Variants in GPATCH2 observed in about 807,000 individuals in gnomAD.
GPATCH2 encodes the protein G-patch domain containing 2.
In GPATCH2, 51 loss-of-function variants were observed where a neutral mutation model predicts 58.0. That is an observed-to-expected ratio of 0.88 (90% CI 0.70 to 1.11). The LOEUF is 1.11. Among genes scored for constraint, GPATCH2 ranks in the 50% most tolerant of loss-of-function variants. GPATCH2 has a pLI of 0.00. For synonymous variants in GPATCH2, 222 were observed against 218.5 expected (o/e 1.02, Z -0.14); for missense variants, 625 against 652.2 (o/e 0.96, Z 0.45).
At chr1:217,614,052 AG>A in intron 3 of GPATCH2, 88 bp downstream of exon 3, 1 of 779,798 alleles carries the variant, frequency 1.3e-6, no homozygotes, top group African/African-American at 1.7e-5. Flanking sequence ...AATGGATTGC[AG>A]TCATCAACTT....
chr1:217,579,189 A>G (rs543850004), intron 5 of GPATCH2, among the ~76,000 whole-genome samples: 1 of 152,308 alleles, frequency 6.6e-6, no homozygotes, highest in South Asian at 2.1e-4. Context: ...TAACACAAAT[A>G]AAATCCAAAC....
At chr1:217,539,929 T>C (rs148531294) in intron 5 of GPATCH2, among the ~76,000 whole-genome samples, 28 of 152,324 alleles carry the variant, frequency 1.8e-4, no homozygotes, top group African/African-American at 6.7e-4. Context: ...ATGCTTACTG[T>C]ATGTTTGAAA....
At position 217,494,560 on chromosome 1, in the gene GPATCH2, G is replaced by A. The variant is rs930434450; in HGVS notation, c.1207-2810C>T. Among the ~76,000 whole-genome samples the A allele has an allele frequency of 9.9e-5, 15 of 152,116 alleles. 1 individual carries two copies. The highest frequency in any genetic ancestry group is 2.4e-4 in the African/African-American group (10 of 41,416). On this transcript the variant is annotated intron_variant, in intron 7 of 9. Coordinates refer to ENST00000366935, the MANE Select transcript of GPATCH2 (RefSeq NM_018040.5). Reference sequence around the variant, plus strand: ...TCGAAACCAGCCTGGCCAACATAGCGAAACCTTGTCTCTACTAAAAATAGA... The same window carrying A: ...TCGAAACCAGCCTGGCCAACATAGCAAAACCTTGTCTCTACTAAAAATAGA...
At chr1:217,606,515 T>C (rs1247517048) in intron 5 of GPATCH2, among the ~76,000 whole-genome samples, 2 of 152,098 alleles carry the variant, frequency 1.3e-5, no homozygotes, top group Admixed American at 6.6e-5. Flanking sequence ...CCCAACACTC[T>C]GAGAGGCTTG....
At chr1:217,559,951 C>T (rs374971238) in intron 5 of GPATCH2, among the ~76,000 whole-genome samples, 211 of 152,040 alleles carry the variant, frequency 1.4e-3, no homozygotes, top group African/African-American at 4.6e-3. Flanking sequence ...TTGGTTCAAG[C>T]GATTCTCCTG....
intron 5 of GPATCH2, among the ~76,000 whole-genome samples, chr1:217,542,595 T>C (rs1487879235): frequency 2.0e-5 from 3 of 152,176 alleles, no homozygotes; most frequent in Admixed American, 6.5e-5. Flanking sequence ...AGCCAACAGA[T>C]GGAAGGCGCC....
chr1:217,452,759 G>A (rs6704055), intron 8 of GPATCH2, among the ~76,000 whole-genome samples: 5 of 151,370 alleles, frequency 3.3e-5, no homozygotes, highest in East Asian at 1.9e-4. Context: ...TCCCTTCCCC[G>A]ACCCCCAACA....
intron 5 of GPATCH2, among the ~76,000 whole-genome samples, chr1:217,519,890 T>G (rs1439036090): frequency 6.6e-6 from 1 of 152,244 alleles, no homozygotes; most frequent in Non-Finnish European, 1.5e-5. Context: ...TTGGGTGATT[T>G]TAGTTATATT....
chr1:217,558,676 T>C (rs988797493), intron 5 of GPATCH2, among the ~76,000 whole-genome samples: 2 of 151,686 alleles, frequency 1.3e-5, no homozygotes, highest in Non-Finnish European at 2.9e-5. Context: ...AGGCCTGGAG[T>C]GGTGGCTCGC....
At chr1:217,586,229 A>G (rs1487812443) in intron 5 of GPATCH2, among the ~76,000 whole-genome samples, 3 of 152,218 alleles carry the variant, frequency 2.0e-5, no homozygotes, top group Non-Finnish European at 2.9e-5. Flanking sequence ...TGTAACTTTT[A>G]ACTTTATCAA....
intron 5 of GPATCH2, among the ~76,000 whole-genome samples, chr1:217,524,735 C>T (rs1405068629): frequency 2.7e-5 from 4 of 150,220 alleles, no homozygotes; most frequent in African/African-American, 9.7e-5. Context: ...GCAGCGCGCA[C>T]CTGCAATTGC....
intron 2 of GPATCH2, among the ~76,000 whole-genome samples, chr1:217,618,380 C>G (rs77352572): frequency 0.19 from 28,121 of 151,640 alleles, 2,917 homozygotes; most frequent in Middle Eastern, 0.25. Context: ...GCTAATTTTT[C>G]TATTTTTGCT....
intron 8 of GPATCH2, among the ~76,000 whole-genome samples, chr1:217,475,593 AG>A (rs967305353): frequency 1.3e-5 from 2 of 152,184 alleles, no homozygotes; most frequent in Non-Finnish European, 2.9e-5. Context: ...ACTACATAAA[AG>A]AAAAGTGTAA....
At position 217,428,317 on chromosome 1, in the gene GPATCH2, GA is replaced by G. The variant is rs1658400795; in HGVS notation, c.*2827del. The stretch of plus-strand genomic sequence containing the variant: ...AGAGTGGCTTCACAAAACAGCAGAA[GA>G]AATATCTTACTACCTTTTAGAGGAA... On this transcript the variant is annotated 3_prime_UTR_variant, in exon 10 of 10. Transcript: ENST00000366935. 2.0e-5 allele frequency: 3 copies of G among 152,148 alleles called. No homozygotes were observed. The South Asian group carries it at 6.2e-4, about 32-fold the overall frequency. 9.4% of individuals were successfully genotyped at this position (152,148 alleles called of 1,614,324 possible).
intron 9 of GPATCH2, among the ~76,000 whole-genome samples, chr1:217,433,144 C>T (rs1658624896): frequency 6.6e-6 from 1 of 151,884 alleles, no homozygotes; most frequent in Non-Finnish European, 1.5e-5. Flanking sequence ...GCACCTTCTC[C>T]CCAACTACAA....
intron 5 of GPATCH2, among the ~76,000 whole-genome samples, chr1:217,568,467 G>A (rs1247202029): frequency 6.6e-6 from 1 of 151,954 alleles, no homozygotes; most frequent in Non-Finnish European, 1.5e-5. Context: ...GACCAGATAA[G>A]TACTATGGGG....
intron 8 of GPATCH2, among the ~76,000 whole-genome samples, chr1:217,465,612 G>T (rs979385861): frequency 6.6e-6 from 1 of 152,084 alleles, no homozygotes; most frequent in Admixed American, 6.6e-5. Flanking sequence ...AGGGGTTTCT[G>T]GTTTTGCTTC....
chr1:217,557,409 CA>C (rs772777496), intron 5 of GPATCH2, among the ~76,000 whole-genome samples: 5,659 of 62,234 alleles, frequency 0.091, 96 homozygotes, highest in East Asian at 0.22. Context: ...AACCCCATCT[CA>C]AAAAAAAAAA....
rs1167559917 is a variant in GPATCH2, at chr1:217,602,233, A to C, written c.1098+8088T>G. 2.0e-5 allele frequency among the ~76,000 whole-genome samples: 3 copies of C among 152,272 alleles called. No homozygotes were observed. In the East Asian group the frequency reaches 5.8e-4, roughly 29 times the overall value. ...GTCCATAAGCACCTAACCCATGCCC[A>C]CATTTTCAGCCAAACCCTCCCTGCT... On this transcript the variant is annotated intron_variant, in intron 5 of 9. Transcript: ENST00000366935.
Sources: allele counts gnomAD v4.1 joint callset (sites outside exome capture counted in the v4.1 genomes callset), GRCh38; gene constraint gnomAD v4.1.1; transcripts MANE v1.5; gene names NCBI Gene and HGNC (gene_info 2026-07-23, HGNC 2026-07-21).